PPM1H: variants seen among roughly 807,000 people sequenced by gnomAD.
The protein encoded by PPM1H is protein phosphatase 1H.
A neutral mutation model predicts 54.9 loss-of-function variants in PPM1H; 27 were observed. That is an observed-to-expected ratio of 0.49 (90% confidence interval 0.36 to 0.68). The LOEUF (loss-of-function observed/expected upper bound fraction) is 0.68. Ranked by LOEUF, PPM1H falls within the 30% of genes least tolerant of loss-of-function variation. The pLI, the probability that PPM1H is intolerant of heterozygous loss-of-function variation, is 0.00. For synonymous variants in PPM1H, 305 were observed against 270.8 expected (o/e 1.13, Z -1.24); for missense variants, 596 against 667.8 (o/e 0.89, Z 1.19).
rs1565758030 is a variant in PPM1H, at chr12:62,690,975, C to CA, written c.1138-1170dup. On this transcript the variant is annotated intron_variant, in intron 7 of 9. Coordinates refer to ENST00000228705, the MANE Select transcript of PPM1H (RefSeq NM_020700.2). ...GACACAGTGAGACTCAGTCTCAAACCAACAAACAAACAAATAAAAAAACCA... is the reference window on the plus strand; with the variant it reads ...GACACAGTGAGACTCAGTCTCAAACCAAACAAACAAACAAATAAAAAAACCA... Among the ~76,000 whole-genome samples the CA allele has an allele frequency of 3.4e-3, 523 of 151,844 alleles. 6 individuals carry two copies. The highest frequency in any genetic ancestry group is 0.012 in the African/African-American group (489 of 41,368).
chr12:62,916,498 CTATT>C (rs1285058674), intron 1 of PPM1H, among the ~76,000 whole-genome samples: 1 of 152,094 alleles, frequency 6.6e-6, no homozygotes, highest in Non-Finnish European at 1.5e-5. Context: ...ATAGAATAAA[CTATT>C]TAGATTCCTA....
At chr12:62,664,954 AAGTTGGCTGTC>A (rs1422775164) in intron 9 of PPM1H, among the ~76,000 whole-genome samples, 1 of 149,680 alleles carries the variant, frequency 6.7e-6, no homozygotes, top group African/African-American at 2.4e-5. Flanking sequence ...TTACTTTTGA[AAGTTGGCTGTC>A]AGTCTGAATG....
At chr12:62,810,563 A>G (rs1490304888) in intron 2 of PPM1H, among the ~76,000 whole-genome samples, 2 of 152,330 alleles carry the variant, frequency 1.3e-5, no homozygotes, top group Non-Finnish European at 2.9e-5. Context: ...TATTAACTCT[A>G]AGATTTTGTG....
At chr12:62,928,553 T>A (rs1321634877) in intron 1 of PPM1H, among the ~76,000 whole-genome samples, 1 of 152,166 alleles carries the variant, frequency 6.6e-6, no homozygotes. Context: ...TTCTCCCCCA[T>A]CTGCAAGGAT....
intron 8 of PPM1H, among the ~76,000 whole-genome samples, chr12:62,684,718 A>T (rs1379853463): frequency 6.6e-6 from 1 of 152,204 alleles, no homozygotes; most frequent in Non-Finnish European, 1.5e-5. Context: ...GACAGAACAT[A>T]GCAGGGGAAT....
chr12:62,918,674 C>T lies in PPM1H; in HGVS notation c.245+15818G>A, dbSNP rs576693394. Among the ~76,000 whole-genome samples, 3 of 152,188 alleles carry T rather than the reference C, an allele frequency of 2.0e-5. No individual in the cohort carries two copies. The South Asian group carries it at 6.2e-4, about 32-fold the overall frequency. On this transcript the variant is annotated intron_variant, in intron 1 of 9. Coordinates refer to ENST00000228705, the MANE Select transcript of PPM1H (RefSeq NM_020700.2). ...GATTTACCTACAAGGAGGTTCATCC[C>T]AGGACTGCTTTCAATAGTAAAAACT... is the stretch of plus-strand genomic sequence containing the variant.
intron 6 of PPM1H, 127 bp downstream of exon 6, chr12:62,720,044 C>A (rs2076254988): frequency 1.3e-6 from 1 of 786,926 alleles, no homozygotes; most frequent in Non-Finnish European, 2.1e-6. Context: ...ACCCCCTTGT[C>A]TTTTACCACA....
chr12:62,667,826 T>C (rs1445247214), intron 8 of PPM1H, among the ~76,000 whole-genome samples: 1 of 152,202 alleles, frequency 6.6e-6, no homozygotes, highest in Non-Finnish European at 1.5e-5. Flanking sequence ...TCAGGATTCT[T>C]AGTAGCTGCT....
intron 4 of PPM1H, among the ~76,000 whole-genome samples, chr12:62,772,208 C>T (rs1268840210): frequency 6.6e-6 from 1 of 152,160 alleles, no homozygotes; most frequent in African/African-American, 2.4e-5. Flanking sequence ...TCTGTGCACC[C>T]TCTCATTAAT....
intron 3 of PPM1H, among the ~76,000 whole-genome samples, chr12:62,800,550 G>A (rs1157418561): frequency 2.0e-5 from 3 of 151,884 alleles, no homozygotes; most frequent in Non-Finnish European, 2.9e-5. Flanking sequence ...TATTCACCAG[G>A]CTGGTCTCGA....
intron 9 of PPM1H, among the ~76,000 whole-genome samples, chr12:62,661,325 C>G (rs970451238): frequency 3.9e-5 from 6 of 152,162 alleles, no homozygotes; most frequent in African/African-American, 1.4e-4. Context: ...ATAATAGGTC[C>G]TTAGTGGTAT....
At chr12:62,752,874 A>G (rs956100347) in intron 4 of PPM1H, among the ~76,000 whole-genome samples, 5 of 152,226 alleles carry the variant, frequency 3.3e-5, no homozygotes, top group African/African-American at 1.2e-4. Context: ...AGCTTGGACA[A>G]CGAAGGACGA....
rs539643739 is a variant in PPM1H, at chr12:62,667,413, C to T, written c.1246-84G>A. On this transcript the variant is annotated intron_variant, in intron 8 of 9. Coordinates refer to ENST00000228705, the MANE Select transcript of PPM1H (RefSeq NM_020700.2). ...CAAACTGACTTCTGATTCCCCTTCC[C>T]TTTTCCTGCCCAGCCTAGTGGTTTT... 8.6e-5 allele frequency: 106 copies of T among 1,229,998 alleles called. 1 individual carries two copies. The South Asian group carries it at 1.6e-3, about 18-fold the overall frequency. The allele number at this position is 1,229,998 out of a possible 1,614,324, so 76.2% of individuals were successfully genotyped here.
In PPM1H at chr12:62,832,174, G is replaced by A. The variant is rs1565803028; in HGVS notation, c.351C>T (p.Asn117=). The A allele has an allele frequency of 1.9e-6, 3 of 1,613,766 alleles. No individual in the cohort carries two copies. In the African/African-American group the frequency reaches 4.0e-5, roughly 22 times the overall value. Reference sequence around the variant, plus strand: ...GAAGGGAGGACCGTCTCTTGGATGAGTTCCTGTTTGGGGTTGAGGTCACGG... The same window carrying A: ...GAAGGGAGGACCGTCTCTTGGATGAATTCCTGTTTGGGGTTGAGGTCACGG... ...AGAVTSTPNR[N]SSKRRSSLPN... is the part of the protein sequence containing the mutation. The change falls in exon 2 of 10, where the codon AAC becomes AAT. Residue 117 remains asparagine (N), a synonymous_variant. Transcript: ENST00000228705.
intron 1 of PPM1H, chr12:62,850,742 G>T (rs1027799188): frequency 2.7e-5 from 4 of 149,314 alleles, no homozygotes; most frequent in African/African-American, 9.9e-5. Flanking sequence ...CTTTTTTAGG[G>T]GAAAGCATGA....
intron 1 of PPM1H, among the ~76,000 whole-genome samples, chr12:62,907,453 C>T (rs1327064373): frequency 1.3e-4 from 20 of 152,160 alleles, no homozygotes; most frequent in Admixed American, 1.3e-3. Context: ...CCTGCAGGCT[C>T]TTCCACTGTC....
At chr12:62,751,912 A>G (rs1303403012) in intron 4 of PPM1H, among the ~76,000 whole-genome samples, 1 of 152,210 alleles carries the variant, frequency 6.6e-6, no homozygotes, top group Non-Finnish European at 1.5e-5. Context: ...TATATGGGCT[A>G]GATGCTGCAC....
intron 8 of PPM1H, among the ~76,000 whole-genome samples, chr12:62,683,033 T>TTATTA (rs1555188730): frequency 1.5e-5 from 2 of 133,674 alleles, no homozygotes; most frequent in Admixed American, 7.5e-5. Context: ...GAGTTTATTA[T>TTATTA]TTATTATTAT....
chr12:62,721,474 G>A (rs2076263279), intron 5 of PPM1H, among the ~76,000 whole-genome samples: 1 of 152,210 alleles, frequency 6.6e-6, no homozygotes, highest in Non-Finnish European at 1.5e-5. Context: ...CCCATTTGCT[G>A]TAGCCTCAAC....
Sources: allele counts gnomAD v4.1 joint callset (sites outside exome capture counted in the v4.1 genomes callset), GRCh38; gene constraint gnomAD v4.1.1; transcripts MANE v1.5; gene names NCBI Gene and HGNC (gene_info 2026-07-23, HGNC 2026-07-21).